The following SYNE2 variants were observed in gnomAD, a reference collection of about 807,000 sequenced individuals.
The protein encoded by SYNE2 is spectrin repeat containing nuclear envelope protein 2, also known as nesprin-2.
A neutral mutation model predicts 856.3 loss-of-function variants in SYNE2; 431 were observed. The observed-to-expected ratio is 0.50, with a 90% confidence interval of 0.47 to 0.55. SYNE2 has a LOEUF of 0.55. SYNE2 is among the 20% of genes least tolerant of loss of function. The pLI, the probability that SYNE2 is intolerant of heterozygous loss-of-function variation, is 0.00. For synonymous variants in SYNE2, 2,923 were observed against 2,872.3 expected (o/e 1.02, Z -0.56); for missense variants, 8,129 against 8,023.2 (o/e 1.01, Z -0.50).
At chr14:63,938,262 C>G (rs1003186264) in intron 2 of SYNE2, among the ~76,000 whole-genome samples, 1 of 151,958 alleles carries the variant, frequency 6.6e-6, no homozygotes, top group Non-Finnish European at 1.5e-5. Flanking sequence ...TTGAGACCAG[C>G]CTGGGTAACG....
chr14:64,192,183 G>A (rs904908736), intron 99 of SYNE2, among the ~76,000 whole-genome samples: 16 of 152,214 alleles, frequency 1.1e-4, no homozygotes, highest in African/African-American at 2.6e-4. Context: ...TTAGAATAGC[G>A]CGTCAGATGT....
intron 88 of SYNE2, chr14:64,162,479 T>C: frequency 3.1e-6 from 2 of 637,178 alleles, no homozygotes; most frequent in Non-Finnish European, 5.7e-6. Context: ...AATAGCTGGA[T>C]CAGGGGGACT....
At chr14:63,841,356 C>A (rs1425305928) in intron 1 of SYNE2, among the ~76,000 whole-genome samples, 1 of 152,150 alleles carries the variant, frequency 6.6e-6, no homozygotes, top group African/African-American at 2.4e-5. Context: ...GCTTGGGGGA[C>A]CTGACTGGAA....
chr14:64,081,870 A>G lies in SYNE2; in HGVS notation c.11484+290A>G, dbSNP rs2097526126. Among the ~76,000 whole-genome samples, 3 of 152,054 alleles carry G rather than the reference A, an allele frequency of 2.0e-5. No homozygotes were observed. In the South Asian group the frequency reaches 6.2e-4, roughly 32 times the overall value. ...GAAATAAGAATGTGGGCGGATCACAAGGTTAGGAGATCGAGACCATCCTGG... is the reference window on the plus strand; with the variant it reads ...GAAATAAGAATGTGGGCGGATCACAGGGTTAGGAGATCGAGACCATCCTGG... On this transcript the variant is annotated intron_variant, in intron 57 of 115. Coordinates refer to ENST00000555002, the MANE Select transcript of SYNE2 (RefSeq NM_182914.3).
Position 64,021,435 on chromosome 14 carries a change from A to G in SYNE2, c.5272A>G (p.Lys1758Glu). Residue 1758 changes from lysine to glutamate, a missense_variant, in exon 36 of 116, where the codon AAG (lysine) becomes GAG (glutamate). By Grantham distance (56) the Lys-to-Glu change is moderately conservative. Coordinates refer to ENST00000555002, the MANE Select transcript of SYNE2 (RefSeq NM_182914.3). ...AELREDLDQA[K>E]TQIGMTESLL... ...GCTAAGGGAGGATCTCGACCAAGCCAAGACCCAGATCGGGATGACTGAATC... is the reference window on the plus strand; with the variant it reads ...GCTAAGGGAGGATCTCGACCAAGCCGAGACCCAGATCGGGATGACTGAATC... 1 of 1,614,202 alleles carries G rather than the reference A, an allele frequency of 6.2e-7. No homozygotes were observed. The highest frequency in any genetic ancestry group is 8.5e-7 in the Non-Finnish European group (1 of 1,180,032).
intron 1 of SYNE2, among the ~76,000 whole-genome samples, chr14:63,781,234 C>T (rs865813124): frequency 2.0e-5 from 3 of 150,064 alleles, no homozygotes; most frequent in Non-Finnish European, 3.0e-5. Flanking sequence ...GCCGAGATCG[C>T]GCCATTGTAC....
intron 1 of SYNE2, among the ~76,000 whole-genome samples, chr14:63,889,787 GTATT>G (rs1288765366): frequency 6.6e-6 from 1 of 152,018 alleles, no homozygotes; most frequent in African/African-American, 2.4e-5. Context: ...CCGTACTGCA[GTATT>G]TAGTCACAGT....
chr14:64,075,170 T>TG (rs2097448262), intron 53 of SYNE2, among the ~76,000 whole-genome samples: 1 of 152,180 alleles, frequency 6.6e-6, no homozygotes, highest in Non-Finnish European at 1.5e-5. Flanking sequence ...TTCAGTACAG[T>TG]GACTCAATCC....
chr14:64,028,055 C>G (rs919437447), intron 43 of SYNE2, among the ~76,000 whole-genome samples: 1 of 151,916 alleles, frequency 6.6e-6, no homozygotes, highest in Non-Finnish European at 1.5e-5. Flanking sequence ...CAGGCATGTG[C>G]CACTACACCT....
intron 1 of SYNE2, among the ~76,000 whole-genome samples, chr14:63,893,662 C>T (rs2095187598): frequency 6.6e-6 from 1 of 152,178 alleles, no homozygotes; most frequent in East Asian, 1.9e-4. Flanking sequence ...AACTATATGG[C>T]ATACACTATG....
At chr14:64,057,744 A>G (rs1334034915) in intron 49 of SYNE2, among the ~76,000 whole-genome samples, 9 of 152,200 alleles carry the variant, frequency 5.9e-5, no homozygotes, top group Admixed American at 5.2e-4. Context: ...CCAACAGCAT[A>G]TGAAGATGCT....
At chr14:63,798,219 T>C (rs1887996268) in intron 1 of SYNE2, among the ~76,000 whole-genome samples, 1 of 152,014 alleles carries the variant, frequency 6.6e-6, no homozygotes, top group African/African-American at 2.4e-5. Flanking sequence ...TTTTGGTTGT[T>C]TGTTTTTTCA....
chr14:64,111,064 A>C (rs2097802132), intron 65 of SYNE2, among the ~76,000 whole-genome samples: 1 of 152,064 alleles, frequency 6.6e-6, no homozygotes, highest in Non-Finnish European at 1.5e-5. Context: ...CAATACTGTC[A>C]TTAAAAAAAG....
intron 1 of SYNE2, among the ~76,000 whole-genome samples, chr14:63,774,294 C>T (rs1181060178): frequency 1.3e-5 from 2 of 151,830 alleles, no homozygotes; most frequent in East Asian, 3.9e-4. Flanking sequence ...CATGGTGAAA[C>T]CCCATGTCTA....
At position 64,053,261 on chromosome 14, in the gene SYNE2, G is replaced by A; in HGVS notation, c.9348G>A (p.Lys3116=). The A allele has an allele frequency of 6.2e-7, 1 of 1,609,662 alleles. No individual in the cohort carries two copies. The highest frequency in any genetic ancestry group is 8.5e-7 in the Non-Finnish European group (1 of 1,178,800). Residue 3116 remains lysine (K), a synonymous_variant, in exon 48 of 116, where the codon AAG becomes AAA. Transcript: ENST00000555002. ...NENKTFDDSF[K]EKEILQIKLN... ...ATAAGACCTTTGATGACTCATTCAAGGAGAAAGAAATACTACAAATAAAGC... is the reference window on the plus strand; with the variant it reads ...ATAAGACCTTTGATGACTCATTCAAAGAGAAAGAAATACTACAAATAAAGC...
chr14:64,118,030 T>C (rs1383563517), intron 66 of SYNE2, among the ~76,000 whole-genome samples: 4 of 151,472 alleles, frequency 2.6e-5, no homozygotes, highest in African/African-American at 9.8e-5. Context: ...AGTAAAAGCA[T>C]AGATAAAGGG....
intron 96 of SYNE2, among the ~76,000 whole-genome samples, chr14:64,178,119 T>TAA (rs2098442853): frequency 6.6e-6 from 1 of 152,214 alleles, no homozygotes; most frequent in South Asian, 2.1e-4. Context: ...TATTTTAATT[T>TAA]TTTTCTTCCT....
intron 2 of SYNE2, among the ~76,000 whole-genome samples, chr14:63,923,301 A>T (rs1369865489): frequency 6.6e-6 from 1 of 152,252 alleles, no homozygotes; most frequent in Non-Finnish European, 1.5e-5. Flanking sequence ...CAAAAGCCTC[A>T]GTATAAGACT....
intron 9 of SYNE2, among the ~76,000 whole-genome samples, 184 bp downstream of exon 9, chr14:63,961,809 C>T (rs1158658866): frequency 6.6e-6 from 1 of 151,972 alleles, no homozygotes; most frequent in Non-Finnish European, 1.5e-5. Context: ...TTCCACTGGG[C>T]ACCTTTTCTG....
Sources: allele counts gnomAD v4.1 joint callset (sites outside exome capture counted in the v4.1 genomes callset), GRCh38; gene constraint gnomAD v4.1.1; transcripts MANE v1.5; gene names NCBI Gene and HGNC (gene_info 2026-07-23, HGNC 2026-07-21).